PUM3: variants seen among roughly 807,000 people sequenced by gnomAD.
The protein encoded by PUM3 is pumilio RNA binding family member 3.
Under a neutral mutation model 84.0 loss-of-function variants are expected in PUM3, and 91 were observed. The observed-to-expected ratio is 1.08, with a 90% CI of 0.91 to 1.29. PUM3 has a LOEUF of 1.29. PUM3 is among the 50% of genes most tolerant of loss of function. The pLI is 0.00. For synonymous variants in PUM3, 321 were observed against 266.7 expected (o/e 1.20, Z -1.98); for missense variants, 1,067 against 767.5 (o/e 1.39, Z -4.61).
intron 5 of PUM3, among the ~76,000 whole-genome samples, chr9:2,833,075 G>T (rs1278602459): frequency 6.6e-6 from 1 of 152,094 alleles, no homozygotes; most frequent in African/African-American, 2.4e-5. Context: ...AAATACTACT[G>T]AACTAATAAA....
chr9:2,831,230 T>A, intron 6 of PUM3, 21 bp downstream of exon 6: 1 of 1,447,116 alleles, frequency 6.9e-7, no homozygotes. Context: ...GATAACATAA[T>A]CTTTAGTATG....
intron 7 of PUM3, among the ~76,000 whole-genome samples, chr9:2,830,444 A>G (rs1815945639): frequency 1.3e-5 from 2 of 152,200 alleles, no homozygotes; most frequent in Non-Finnish European, 2.9e-5. Context: ...GACATTTTCT[A>G]ACCCACTGAC....
chr9:2,810,686 T>C (rs1821348757), intron 15 of PUM3, among the ~76,000 whole-genome samples: 1 of 152,218 alleles, frequency 6.6e-6, no homozygotes, highest in Non-Finnish European at 1.5e-5. Context: ...CTCCGCTTCA[T>C]TTAATCTGCT....
chr9:2,808,537 A>C (rs1821305950), intron 16 of PUM3, among the ~76,000 whole-genome samples: 1 of 152,214 alleles, frequency 6.6e-6, no homozygotes, highest in South Asian at 2.1e-4. Context: ...GATAGCTAAG[A>C]TTTAGTGCAG....
At chr9:2,832,238 T>C (rs368866216) in intron 5 of PUM3, among the ~76,000 whole-genome samples, 19 of 152,286 alleles carry the variant, frequency 1.2e-4, no homozygotes, top group East Asian at 1.2e-3. Context: ...ATAATCAACA[T>C]AAATGCCTTA....
chr9:2,806,130 G>A (rs1269184655), intron 17 of PUM3, among the ~76,000 whole-genome samples: 2 of 152,146 alleles, frequency 1.3e-5, no homozygotes, highest in African/African-American at 4.8e-5. Context: ...TGGGAGTTCT[G>A]ATTGATGAAC....
chr9:2,837,476 C>G, intron 2 of PUM3, 75 bp from the exon 3 acceptor site: 1 of 973,504 alleles, frequency 1.0e-6, no homozygotes, highest in Non-Finnish European at 1.5e-6. Context: ...ATATCCATTA[C>G]AGAAAATTAT....
intron 1 of PUM3, among the ~76,000 whole-genome samples, chr9:2,841,645 T>C (rs1193600796): frequency 1.3e-5 from 2 of 152,036 alleles, no homozygotes; most frequent in African/African-American, 4.8e-5. Context: ...CTACCTCCTC[T>C]TAAGTTTTAC....
At position 2,843,867 on chromosome 9, in the gene PUM3, C is replaced by T. The variant is rs548398841; in HGVS notation, c.-11+178G>A. The stretch of plus-strand genomic sequence containing the variant: ...TGCTGGGATTACAGGCGTGAGCCAC[C>T]GCGCCCGGCCAGTCCCGCCCTTCTT... On this transcript the variant is annotated intron_variant, in intron 1 of 17. Transcript: ENST00000397885. Among the ~76,000 whole-genome samples, 8 of 151,850 alleles carry T rather than the reference C, an allele frequency of 5.3e-5. No homozygotes were observed. In the East Asian group the frequency reaches 1.2e-3, roughly 22 times the overall value.
chr9:2,818,794 G>A (rs963968811), intron 13 of PUM3, among the ~76,000 whole-genome samples: 2 of 152,114 alleles, frequency 1.3e-5, no homozygotes, highest in African/African-American at 2.4e-5. Flanking sequence ...ATGACAGCAA[G>A]GGCATGAGAA....
At chr9:2,813,933 A>G (rs1821418863) in intron 13 of PUM3, among the ~76,000 whole-genome samples, 3 of 152,164 alleles carry the variant, frequency 2.0e-5, no homozygotes, top group African/African-American at 7.2e-5. Context: ...TCTGACCACT[A>G]TGTCCTGTTT....
At chr9:2,835,458 T>G (rs1223805352) in intron 3 of PUM3, among the ~76,000 whole-genome samples, 1 of 152,188 alleles carries the variant, frequency 6.6e-6, no homozygotes, top group Non-Finnish European at 1.5e-5. Context: ...TCAATATGAT[T>G]AGATTATGTT....
Position 2,829,836 on chromosome 9 carries a change from T to C in PUM3, c.790A>G (p.Ile264Val), listed in dbSNP as rs35869387. The C allele has an allele frequency of 1.8e-3, 2,958 of 1,614,178 alleles. 49 individuals are homozygous for C. In the African/African-American group the frequency reaches 0.036, roughly 19 times the overall value. ...IVEYAYNDKA[I>V]LEQRNMLTEE... ...GTCAGCATGTTCCTCTGCTCCAAAA[T>C]GGCTTTGTCATTGTATGCGTACTCC... Residue 264 changes from isoleucine to valine, a missense_variant, in exon 8 of 18, where the codon ATT (isoleucine) becomes GTT (valine). Physicochemically the swap from Ile to Val is conservative, Grantham distance 29 (BLOSUM62 3). Transcript: ENST00000397885.
chr9:2,828,401 T>C lies in PUM3; in HGVS notation c.956+274A>G, dbSNP rs191094564. On this transcript the variant is annotated intron_variant, in intron 9 of 17. Transcript: ENST00000397885. ...AACTGTTTAGTATACATGGCTTCCA[T>C]GTAACATTTTATTTGGGGAAAGAAT... 4.7e-5 allele frequency: 16 copies of C among 337,300 alleles called. No homozygotes were observed. The East Asian group carries it at 1.0e-3, about 22-fold the overall frequency. The allele number at this position is 337,300 out of a possible 1,614,324, so 20.9% of individuals were successfully genotyped here. A position where few individuals can be genotyped will look rare whatever the true frequency, so the allele number is the denominator to read the frequency against.
intron 16 of PUM3, among the ~76,000 whole-genome samples, chr9:2,808,432 A>G (rs940713312): frequency 1.3e-5 from 2 of 152,216 alleles, no homozygotes; most frequent in African/African-American, 2.4e-5. Flanking sequence ...AATCAAAAAT[A>G]CCATTTTTCT....
At position 2,827,128 on chromosome 9, in the gene PUM3, A is replaced by C; in HGVS notation, c.980T>G (p.Leu327Trp). ...AAAGTCCAAGAATACTTTATGCACC[A>C]ATGAGTGCTTAATCACAGCTTCCCT... ...AQKEAVIKHS[L>W]VHKVFLDFFT... is the part of the protein sequence containing the mutation. Residue 327 changes from leucine to tryptophan, a missense_variant, in exon 10 of 18, where the codon TTG (leucine) becomes TGG (tryptophan). Physicochemically the swap from Leu to Trp is moderately conservative, Grantham distance 61. Coordinates refer to ENST00000397885, the MANE Select transcript of PUM3 (RefSeq NM_014878.5). 4 of 1,610,336 alleles carry C rather than the reference A, an allele frequency of 2.5e-6. No homozygotes were observed. The highest frequency in any genetic ancestry group is 3.4e-6 in the Non-Finnish European group (4 of 1,178,650).
At chr9:2,832,836 T>C (rs1290336419) in intron 5 of PUM3, among the ~76,000 whole-genome samples, 1 of 152,128 alleles carries the variant, frequency 6.6e-6, no homozygotes, top group African/African-American at 2.4e-5. Context: ...TATGTATTAA[T>C]CCAAATACAC....
intron 13 of PUM3, among the ~76,000 whole-genome samples, chr9:2,818,911 T>A (rs749499347): frequency 6.6e-6 from 1 of 152,222 alleles, no homozygotes; most frequent in Non-Finnish European, 1.5e-5. Flanking sequence ...CCCAGGAGGC[T>A]ACAAAGAGAG....
chr9:2,814,249 T>C (rs1357670456), intron 13 of PUM3, among the ~76,000 whole-genome samples: 1 of 152,230 alleles, frequency 6.6e-6, no homozygotes, highest in Non-Finnish European at 1.5e-5. Context: ...TCTCACTCTG[T>C]TGCCCAGGCT....
Sources: gnomAD v4.1 joint callset for allele counts (sites outside exome capture counted in the v4.1 genomes callset) on GRCh38, gnomAD v4.1.1 for gene constraint, MANE v1.5 for transcripts, NCBI Gene and HGNC (gene_info 2026-07-23, HGNC 2026-07-21) for gene names.